Variants in MYO10 observed in about 807,000 individuals in gnomAD.
MYO10 encodes unconventional myosin-X.
MYO10 carries 133 observed loss-of-function variants against 257.3 expected under a neutral mutation model. The ratio of observed to expected loss-of-function variants is 0.52; its 90% confidence interval spans 0.45 to 0.60. The LOEUF (loss-of-function observed/expected upper bound fraction) is 0.60. MYO10 is among the 20% of genes least tolerant of loss of function. MYO10 has a pLI of 0.00. For missense variants in MYO10, 2,399 were observed against 2,635.7 expected, an observed-to-expected ratio of 0.91 and a Z score of 1.97; for synonymous variants, 1,104 against 1,028.6, an observed-to-expected ratio of 1.07 and a Z score of -1.40.
At chr5:16,670,449 C>G (rs532017950) in intron 39 of MYO10, 77 bp downstream of exon 39, 20 of 1,319,026 alleles carry the variant, frequency 1.5e-5, no homozygotes, top group Non-Finnish European at 2.1e-5. Flanking sequence ...GTCTTCTCTC[C>G]ACATGAACTT....
chr5:16,915,498 C>G (rs1186980774), intron 1 of MYO10, among the ~76,000 whole-genome samples: 1 of 152,236 alleles, frequency 6.6e-6, no homozygotes, highest in Non-Finnish European at 1.5e-5. Context: ...CATCCCCCTC[C>G]ACAGCATCAT....
chr5:16,848,837 A>G (rs1743718927), intron 2 of MYO10, among the ~76,000 whole-genome samples: 1 of 152,198 alleles, frequency 6.6e-6, no homozygotes. Flanking sequence ...AGCTCTTCAC[A>G]GCACCTACAT....
chr5:16,699,295 C>A (rs886239770), intron 26 of MYO10, among the ~76,000 whole-genome samples, 155 bp downstream of exon 26: 1 of 152,086 alleles, frequency 6.6e-6, no homozygotes, highest in Non-Finnish European at 1.5e-5. Context: ...TGGCCCAACA[C>A]TGAGGTAAGG....
chr5:16,913,265 G>A (rs1037110920), intron 1 of MYO10, among the ~76,000 whole-genome samples: 18 of 152,112 alleles, frequency 1.2e-4, no homozygotes, highest in African/African-American at 4.1e-4. Flanking sequence ...ACTCCTGTCA[G>A]GTCATTTTAA....
intron 32 of MYO10, 112 bp from the exon 33 acceptor site, chr5:16,680,216 A>G: frequency 1.5e-6 from 2 of 1,297,776 alleles, no homozygotes; most frequent in East Asian, 2.5e-5. Flanking sequence ...TTCAATAGAC[A>G]CTGGCTTAAT....
At position 16,769,176 on chromosome 5, in the gene MYO10, T is replaced by C. The variant is rs772733756; in HGVS notation, c.958A>G (p.Lys320Glu). Residue 320 changes from lysine to glutamate, a missense_variant, in exon 10 of 41, where the codon AAG becomes GAG. Around this residue, in one of 3 missense-constraint regions of MYO10, gnomAD observed 337 missense variants for 446.8 expected, o/e 0.75. Transcript: ENST00000513610. Reference sequence around the variant, plus strand: ...CTCGACACTTCCCGAACTTCCTCCTTGCTGAACTGCATCACGTCCATTGCC... The same window carrying C: ...CTCGACACTTCCCGAACTTCCTCCTCGCTGAACTGCATCACGTCCATTGCC... ...ITAMDVMQFSKEEVREVSRLL... is the reference protein window; with the variant it reads ...ITAMDVMQFSEEEVREVSRLL... The C allele has an allele frequency of 6.2e-7, 1 of 1,611,536 alleles. No individual in the cohort carries two copies. Among genetic ancestry groups the C allele is most frequent in the Non-Finnish European group, 8.5e-7 (1 of 1,179,054 alleles).
rs111463993 is a variant in MYO10, at chr5:16,925,031, C to T, written c.21+10757G>A. On this transcript the variant is annotated intron_variant, in intron 1 of 40. Transcript: ENST00000513610. ...ATTTTTTAGTAGAGACAGGTTTTCACCGTGTTAGTCAGGATGGTCTCGATC... is the reference window on the plus strand; with the variant it reads ...ATTTTTTAGTAGAGACAGGTTTTCATCGTGTTAGTCAGGATGGTCTCGATC... 7.0e-3 allele frequency among the ~76,000 whole-genome samples: 1,069 copies of T among 152,160 alleles called. 21 individuals are homozygous for T. The highest frequency in any genetic ancestry group is 0.025 in the African/African-American group (1,031 of 41,518).
intron 1 of MYO10, among the ~76,000 whole-genome samples, chr5:16,926,704 C>G (rs1454570061): frequency 1.5e-5 from 2 of 134,740 alleles, no homozygotes; most frequent in Non-Finnish European, 3.3e-5. Context: ...TCTGTCCCAG[C>G]AAAAAAAAAA....
At chr5:16,768,007 A>G (rs1440705874) in intron 10 of MYO10, among the ~76,000 whole-genome samples, 1 of 152,032 alleles carries the variant, frequency 6.6e-6, no homozygotes, top group Non-Finnish European at 1.5e-5. Context: ...TGTGGTAAAC[A>G]TCAACAGATA....
At chr5:16,817,954 T>C (rs560874280) in intron 3 of MYO10, 55 bp downstream of exon 3, 2 of 1,295,132 alleles carry the variant, frequency 1.5e-6, no homozygotes, top group African/African-American at 1.5e-5. Context: ...AAAACAAAAA[T>C]AAGCATTCAC....
chr5:16,874,111 G>T (rs1744524429), intron 2 of MYO10, among the ~76,000 whole-genome samples: 1 of 151,978 alleles, frequency 6.6e-6, no homozygotes, highest in Admixed American at 6.6e-5. Flanking sequence ...AACGTGGGTG[G>T]ATCACAAGGT....
At chr5:16,835,492 G>GTTTTTTTTTTTTTTTTTTTTTTT in intron 2 of MYO10, among the ~76,000 whole-genome samples, 1 of 81,060 alleles carries the variant, frequency 1.2e-5, no homozygotes, top group Non-Finnish European at 2.3e-5. Context: ...ATTTTTGGCT[G>GTTTTTTTTTTTTTTTTTTTTTTT]TTTTTTTTTT....
chr5:16,685,180 G>A (rs888233324), intron 29 of MYO10, among the ~76,000 whole-genome samples: 5 of 152,112 alleles, frequency 3.3e-5, no homozygotes, highest in African/African-American at 1.2e-4. Context: ...GAGAGAACTG[G>A]AATGTATTAC....
intron 26 of MYO10, among the ~76,000 whole-genome samples, chr5:16,695,412 G>A (rs1209661877): frequency 6.6e-6 from 1 of 152,034 alleles, no homozygotes; most frequent in Non-Finnish European, 1.5e-5. Flanking sequence ...TTCCAGGGTT[G>A]ACTGATAAAG....
intron 21 of MYO10, chr5:16,710,639 C>T (rs1188693748): frequency 6.3e-6 from 3 of 477,572 alleles, no homozygotes; most frequent in African/African-American, 3.9e-5. Context: ...TTGTTACTGC[C>T]TGAACAAATA....
chr5:16,818,285 G>T, intron 2 of MYO10, 118 bp from the exon 3 acceptor site: 5 of 916,938 alleles, frequency 5.5e-6, no homozygotes, highest in South Asian at 2.2e-5. Flanking sequence ...TTCTAAATTG[G>T]ACAATCAAAA....
intron 2 of MYO10, among the ~76,000 whole-genome samples, chr5:16,857,546 A>G (rs1743993922): frequency 6.6e-6 from 1 of 152,204 alleles, no homozygotes. Context: ...TTAGAAATGC[A>G]CATTTGCAGG....
In MYO10 at chr5:16,715,130, C is replaced by T. The variant is rs562592935; in HGVS notation, c.1930-3885G>A. Among the ~76,000 whole-genome samples the T allele has an allele frequency of 4.1e-3, 363 of 88,440 alleles. 3 individuals are homozygous for T. Among genetic ancestry groups the T allele is most frequent in the African/African-American group, 0.016 (353 of 22,680 alleles). The allele number at this position is 88,440 out of a possible 152,430, so 58.0% of individuals were successfully genotyped here. ...AAAAAAAAATTTTTTAAAAGAACAACATAGGGCAATTGGACAAAAAAAAAA... is the reference window on the plus strand; with the variant it reads ...AAAAAAAAATTTTTTAAAAGAACAATATAGGGCAATTGGACAAAAAAAAAA... On this transcript the variant is annotated intron_variant, in intron 19 of 40. Coordinates refer to ENST00000513610, the MANE Select transcript of MYO10 (RefSeq NM_012334.3).
intron 21 of MYO10, among the ~76,000 whole-genome samples, chr5:16,707,410 G>A (rs1025069923): frequency 9.2e-5 from 14 of 152,206 alleles, no homozygotes; most frequent in Non-Finnish European, 1.8e-4. Flanking sequence ...GCTGAGCAAA[G>A]GGTGGTACCC....
Sources: allele counts gnomAD v4.1 joint callset (sites outside exome capture counted in the v4.1 genomes callset), GRCh38; gene constraint gnomAD v4.1.1; regional missense constraint gnomAD v4.1.1; transcripts MANE v1.5; gene names NCBI Gene and HGNC (gene_info 2026-07-23, HGNC 2026-07-21).